The following NKD1 variants were observed in gnomAD, a reference collection of about 807,000 sequenced individuals.
The protein encoded by NKD1 is NKD inhibitor of Wnt signaling pathway 1, also known as protein naked cuticle homolog 1.
A neutral mutation model predicts 56.0 loss-of-function variants in NKD1; 21 were observed. The ratio of observed to expected loss-of-function variants is 0.38; its 90% CI spans 0.27 to 0.54. The LOEUF is 0.54. NKD1 is among the 20% of genes least tolerant of loss of function. The pLI is 0.82. For synonymous variants in NKD1, 263 were observed against 265.7 expected, an observed-to-expected ratio of 0.99 and a Z score of 0.10; for missense variants, 578 against 642.7, an observed-to-expected ratio of 0.90 and a Z score of 1.09.
At chr16:50,631,013 AGG>A in intron 8 of NKD1, 103 bp downstream of exon 8, 2 of 808,118 alleles carry the variant, frequency 2.5e-6, no homozygotes, top group Non-Finnish European at 3.8e-6. Flanking sequence ...TGTTCTCTTC[AGG>A]GAGCCAACAC....
chr16:50,613,263 A>C (rs1961886948), intron 4 of NKD1, among the ~76,000 whole-genome samples: 1 of 152,134 alleles, frequency 6.6e-6, no homozygotes, highest in African/African-American at 2.4e-5. Flanking sequence ...TTGGGGTTCA[A>C]GGAGCAGTTG....
chr16:50,595,409 CCTT>C (rs1343816183), intron 3 of NKD1, among the ~76,000 whole-genome samples: 1 of 152,150 alleles, frequency 6.6e-6, no homozygotes, highest in Non-Finnish European at 1.5e-5. Context: ...GGGGCTGGGT[CCTT>C]CTTGCAGGTC....
chr16:50,570,308 T>C (rs1484618031), intron 3 of NKD1, among the ~76,000 whole-genome samples: 1 of 152,160 alleles, frequency 6.6e-6, no homozygotes, highest in African/African-American at 2.4e-5. Context: ...GAGGCAGAAA[T>C]TGGTTCTTGG....
At chr16:50,557,626 G>A (rs1411572965) in intron 3 of NKD1, 1 of 152,210 alleles carries the variant, frequency 6.6e-6, no homozygotes, top group Non-Finnish European at 1.5e-5. Flanking sequence ...CTAATGTGGT[G>A]TGTGATTTGT....
intron 3 of NKD1, among the ~76,000 whole-genome samples, chr16:50,580,000 C>T (rs1961082516): frequency 6.6e-6 from 1 of 152,252 alleles, no homozygotes; most frequent in African/African-American, 2.4e-5. Context: ...TAACCTGCTA[C>T]ACACATGCAC....
rs368901714 is a variant in NKD1 at position 50,641,571 on chromosome 16, C to A, written c.*7790C>A. ...TGTTCCCACATGGCTGCAATCCGCC[C>A]GCCTCTTCCAATGGTGCACATGCCT... On this transcript the variant is annotated 3_prime_UTR_variant, in exon 10 of 10. Transcript: ENST00000268459. 6.6e-6 allele frequency: 1 copy of A among 152,206 alleles called. No individual in the cohort carries two copies. The highest frequency in any genetic ancestry group is 2.4e-5 in the African/African-American group (1 of 41,444). The allele number at this position is 152,206 out of a possible 1,614,324, so 9.4% of individuals were successfully genotyped here.
intron 3 of NKD1, chr16:50,558,660 G>A (rs971466874): frequency 6.6e-6 from 1 of 150,914 alleles, no homozygotes; most frequent in African/African-American, 2.4e-5. Flanking sequence ...GATCACCTGA[G>A]GTCAGGAGTT....
chr16:50,559,863 G>A (rs1835877896), intron 3 of NKD1, among the ~76,000 whole-genome samples: 1 of 152,160 alleles, frequency 6.6e-6, no homozygotes, highest in South Asian at 2.1e-4. Flanking sequence ...GACCCTGTTA[G>A]CAGGATGGGG....
chr16:50,622,668 C>T (rs1452514237), intron 5 of NKD1, among the ~76,000 whole-genome samples: 1 of 152,196 alleles, frequency 6.6e-6, no homozygotes, highest in East Asian at 1.9e-4. Context: ...ATGTCTGTCG[C>T]ATTGGGCTGT....
chr16:50,624,958 C>T (rs1466052967), intron 5 of NKD1, among the ~76,000 whole-genome samples: 1 of 152,194 alleles, frequency 6.6e-6, no homozygotes, highest in Non-Finnish European at 1.5e-5. Flanking sequence ...GGGAGAGAGG[C>T]TGTCATTTTC....
intron 3 of NKD1, chr16:50,558,263 C>T (rs528958446): frequency 3.7e-4 from 57 of 152,298 alleles, no homozygotes; most frequent in African/African-American, 1.4e-3. Context: ...TGATTTAGAC[C>T]TTTAAGATTC....
intron 3 of NKD1, among the ~76,000 whole-genome samples, chr16:50,567,964 G>A (rs1379844637): frequency 6.6e-6 from 1 of 152,360 alleles, no homozygotes; most frequent in African/African-American, 2.4e-5. Context: ...GAGTTACCAA[G>A]TTTTACAGAA....
At chr16:50,565,594 C>T (rs1156318476) in intron 3 of NKD1, among the ~76,000 whole-genome samples, 2 of 152,084 alleles carry the variant, frequency 1.3e-5, no homozygotes, top group South Asian at 2.1e-4. Context: ...GAGGCTGAGG[C>T]GGGAGGATGG....
chr16:50,558,181 T>G (rs1339658033), intron 3 of NKD1: 5 of 152,246 alleles, frequency 3.3e-5, no homozygotes, highest in Non-Finnish European at 5.9e-5. Flanking sequence ...CAATTAAAAT[T>G]TTTAGAAAAC....
chr16:50,584,655 G>A (rs1182383231), intron 3 of NKD1, among the ~76,000 whole-genome samples: 1 of 152,200 alleles, frequency 6.6e-6, no homozygotes, highest in Non-Finnish European at 1.5e-5. Context: ...CAGAGTAGCC[G>A]TTGGTAAATG....
At chr16:50,548,618 G>C in intron 1 of NKD1, 40 bp downstream of exon 1, 2 of 1,444,070 alleles carry the variant, frequency 1.4e-6, no homozygotes, top group Non-Finnish European at 1.8e-6. Context: ...GGGCCCCGCC[G>C]CCGTCGCCGC....
At chr16:50,609,497 G>A (rs1325170933) in intron 4 of NKD1, among the ~76,000 whole-genome samples, 1 of 152,164 alleles carries the variant, frequency 6.6e-6, no homozygotes, top group Non-Finnish European at 1.5e-5. Flanking sequence ...GGTCTGCGGA[G>A]GGGGATCTAG....
At chr16:50,629,165 G>C (rs1962288639) in intron 6 of NKD1, among the ~76,000 whole-genome samples, 1 of 151,898 alleles carries the variant, frequency 6.6e-6, no homozygotes, top group South Asian at 2.1e-4. Flanking sequence ...AGAATGTTAT[G>C]TTGCCCAGGC....
At position 50,637,539 on chromosome 16, in the gene NKD1, G is replaced by A. The variant is rs1300013570; in HGVS notation, c.*3758G>A. ...GCTAAGATTGCACCACTGTACTCCAGCCTGGGCGACAGAGTGAGACTCCAT... is the reference window on the plus strand; with the variant it reads ...GCTAAGATTGCACCACTGTACTCCAACCTGGGCGACAGAGTGAGACTCCAT... On this transcript the variant is annotated 3_prime_UTR_variant, in exon 10 of 10. Transcript: ENST00000268459. The A allele has an allele frequency of 6.6e-6, 1 of 152,184 alleles. No individual in the cohort carries two copies. The highest frequency in any genetic ancestry group is 2.4e-5 in the African/African-American group (1 of 41,406). The allele number at this position is 152,184 out of a possible 1,614,324, so 9.4% of individuals were successfully genotyped here. A position where few individuals can be genotyped will look rare whatever the true frequency, so the allele number is the denominator to read the frequency against.
Sources: gnomAD v4.1 joint callset for allele counts (sites outside exome capture counted in the v4.1 genomes callset) on GRCh38, gnomAD v4.1.1 for gene constraint, MANE v1.5 for transcripts, NCBI Gene and HGNC (gene_info 2026-07-23, HGNC 2026-07-21) for gene names.